SLC1A3: variants seen among roughly 807,000 people sequenced by gnomAD.
SLC1A3 encodes the protein solute carrier family 1 member 3.
SLC1A3 carries 21 observed loss-of-function variants against 48.1 expected under a neutral mutation model. The observed-to-expected ratio is 0.44, with a 90% CI of 0.31 to 0.63. The LOEUF (loss-of-function observed/expected upper bound fraction) is 0.63, where lower values mean the gene tolerates loss of function less well. SLC1A3 is among the 20% of genes least tolerant of loss of function. The pLI, the probability that SLC1A3 is intolerant of heterozygous loss-of-function variation, is 0.08. For synonymous variants in SLC1A3, 239 were observed against 251.4 expected (o/e 0.95, Z 0.47); for missense variants, 546 against 689.0 (o/e 0.79, Z 2.32).
intron 1 of SLC1A3, among the ~76,000 whole-genome samples, chr5:36,597,562 A>G (rs1298866403): frequency 6.6e-6 from 1 of 152,026 alleles, no homozygotes; most frequent in Non-Finnish European, 1.5e-5. Context: ...TCTTCAACCC[A>G]AGAAATGCTG....
chr5:36,597,286 G>T (rs1269745255), intron 1 of SLC1A3, among the ~76,000 whole-genome samples: 2 of 102,392 alleles, frequency 2.0e-5, no homozygotes, highest in Non-Finnish European at 3.5e-5. Context: ...TTGCTCTGTC[G>T]CCCAGGCTAG....
intron 3 of SLC1A3, among the ~76,000 whole-genome samples, chr5:36,661,295 C>T (rs1160779180): frequency 3.9e-5 from 6 of 152,070 alleles, no homozygotes; most frequent in Non-Finnish European, 8.8e-5. Flanking sequence ...ACCTGTAATC[C>T]CAGCTACTTG....
intron 3 of SLC1A3, among the ~76,000 whole-genome samples, chr5:36,639,644 TC>T: frequency 6.6e-6 from 1 of 152,262 alleles, no homozygotes; most frequent in South Asian, 2.1e-4. Context: ...CTAAATTACC[TC>T]CCAAAATTAT....
intron 3 of SLC1A3, among the ~76,000 whole-genome samples, chr5:36,662,416 T>G (rs1741551125): frequency 6.6e-6 from 1 of 152,220 alleles, no homozygotes; most frequent in African/African-American, 2.4e-5. Flanking sequence ...TGTGCTCGGC[T>G]GTTACAATGA....
intron 3 of SLC1A3, 112 bp downstream of exon 3, chr5:36,629,699 GA>G (rs199769251): frequency 0.071 from 44,155 of 622,518 alleles, no homozygotes; most frequent in East Asian, 0.085. Flanking sequence ...CTCTGTTCTA[GA>G]AAAAAAAAAA....
chr5:36,605,705 C>T (rs1477170684), upstream of SLC1A3, among the ~76,000 whole-genome samples: 2 of 152,084 alleles, frequency 1.3e-5, no homozygotes, highest in Non-Finnish European at 2.9e-5. Flanking sequence ...GAATAAGTCA[C>T]CTCAAAAAAA....
At chr5:36,598,405 ACTT>A (rs1738768227) in intron 1 of SLC1A3, among the ~76,000 whole-genome samples, 2 of 152,180 alleles carry the variant, frequency 1.3e-5, no homozygotes. Context: ...TTAGCCATAA[ACTT>A]CTGTGCAGAA....
chr5:36,620,588 G>C (rs907175602), intron 2 of SLC1A3, among the ~76,000 whole-genome samples: 5 of 152,188 alleles, frequency 3.3e-5, no homozygotes, highest in African/African-American at 1.2e-4. Context: ...CCCAGGCACT[G>C]TTGGATCCTG....
chr5:36,607,499 A>C (rs1030008004), intron 1 of SLC1A3, among the ~76,000 whole-genome samples: 9 of 152,238 alleles, frequency 5.9e-5, no homozygotes, highest in Non-Finnish European at 8.8e-5. Flanking sequence ...AATGTTTGGA[A>C]TGAAAATTGG....
At chr5:36,618,235 C>T (rs141840769) in intron 2 of SLC1A3, among the ~76,000 whole-genome samples, 92 of 152,268 alleles carry the variant, frequency 6.0e-4, no homozygotes, top group African/African-American at 2.1e-3. Flanking sequence ...ACTTTTGAAG[C>T]CCTTTCACAT....
chr5:36,648,185 A>G (rs2111834971), intron 3 of SLC1A3, among the ~76,000 whole-genome samples: 1 of 152,296 alleles, frequency 6.6e-6, no homozygotes, highest in African/African-American at 2.4e-5. Flanking sequence ...TTTTATGATT[A>G]TACTGTCTCA....
At chr5:36,680,643 C>A in intron 8 of SLC1A3, 54 bp downstream of exon 8, 1 of 1,480,198 alleles carries the variant, frequency 6.8e-7, no homozygotes, top group Non-Finnish European at 9.4e-7. Flanking sequence ...TAAGGCTGGG[C>A]GTGGTGGCTC....
chr5:36,638,425 A>C (rs1475218555), intron 3 of SLC1A3, among the ~76,000 whole-genome samples: 1 of 152,142 alleles, frequency 6.6e-6, no homozygotes, highest in East Asian at 1.9e-4. Context: ...CCTCTTCCCT[A>C]GCTCCATCAG....
At chr5:36,626,828 T>C (rs1739924307) in intron 2 of SLC1A3, among the ~76,000 whole-genome samples, 1 of 152,226 alleles carries the variant, frequency 6.6e-6, no homozygotes, top group Admixed American at 6.5e-5. Flanking sequence ...TAATGCACAT[T>C]GTAAATCAGA....
intron 8 of SLC1A3, among the ~76,000 whole-genome samples, chr5:36,681,001 T>C (rs918357444): frequency 1.3e-5 from 2 of 152,004 alleles, no homozygotes; most frequent in Non-Finnish European, 2.9e-5. Context: ...GAGGTGGGGA[T>C]TTGGGGTAAT....
chr5:36,631,301 ACTTCCC>A (rs1469036825), intron 3 of SLC1A3, among the ~76,000 whole-genome samples: 4 of 152,338 alleles, frequency 2.6e-5, no homozygotes, highest in African/African-American at 9.6e-5. Context: ...GAGAAGTGTT[ACTTCCC>A]CTTAGCAGCA....
intron 3 of SLC1A3, among the ~76,000 whole-genome samples, chr5:36,632,899 A>G (rs187025217): frequency 4.7e-4 from 72 of 152,324 alleles, no homozygotes; most frequent in Non-Finnish European, 1.6e-4. Flanking sequence ...AATCTTTCCA[A>G]ACATCCCTGG....
intron 2 of SLC1A3, among the ~76,000 whole-genome samples, chr5:36,622,208 G>A (rs1361013410): frequency 6.6e-6 from 1 of 152,176 alleles, no homozygotes; most frequent in African/African-American, 2.4e-5. Flanking sequence ...ATCTTGGTCA[G>A]GCACTTAGTT....
At chr5:36,656,214 A>G (rs567970874) in intron 3 of SLC1A3, among the ~76,000 whole-genome samples, 119 of 152,326 alleles carry the variant, frequency 7.8e-4, no homozygotes, top group African/African-American at 2.8e-3. Flanking sequence ...TCCTTCTGAA[A>G]GGTCATTGTT....
Sources: gnomAD v4.1 joint callset for allele counts (sites outside exome capture counted in the v4.1 genomes callset) on GRCh38, gnomAD v4.1.1 for gene constraint, MANE v1.5 for transcripts, NCBI Gene and HGNC (gene_info 2026-07-23, HGNC 2026-07-21) for gene names.